Variants in COL8A1 observed in about 807,000 individuals in gnomAD.
COL8A1 encodes collagen alpha-1(VIII) chain.
Under a neutral mutation model 42.7 loss-of-function variants are expected in COL8A1, and 21 were observed. The ratio of observed to expected loss-of-function variants is 0.49; its 90% CI spans 0.35 to 0.71. COL8A1 has a LOEUF of 0.71. Ranked by LOEUF, COL8A1 falls within the 30% of genes least tolerant of loss-of-function variation. The pLI, the probability that COL8A1 is intolerant of heterozygous loss-of-function variation, is 0.01. For synonymous variants in COL8A1, 367 were observed against 369.1 expected (o/e 0.99, Z 0.06); for missense variants, 788 against 962.4 (o/e 0.82, Z 2.40).
intron 2 of COL8A1, among the ~76,000 whole-genome samples, chr3:99,782,371 G>A (rs1289156467): frequency 2.0e-5 from 3 of 151,990 alleles, no homozygotes; most frequent in African/African-American, 7.3e-5. Flanking sequence ...GAGTACCTAA[G>A]TTCCTAAAAT....
At chr3:99,651,401 A>T (rs1056780331) in intron 1 of COL8A1, among the ~76,000 whole-genome samples, 5 of 152,150 alleles carry the variant, frequency 3.3e-5, no homozygotes, top group Admixed American at 1.3e-4. Context: ...TTTATCATAG[A>T]TTTTCCCAGA....
chr3:99,727,320 C>T (rs1490258312), intron 1 of COL8A1, among the ~76,000 whole-genome samples: 5 of 152,108 alleles, frequency 3.3e-5, no homozygotes, highest in African/African-American at 4.8e-5. Context: ...TGGGCTGAGA[C>T]GATGGGCTTT....
At chr3:99,655,764 C>T (rs1036466433) in intron 1 of COL8A1, among the ~76,000 whole-genome samples, 33 of 152,212 alleles carry the variant, frequency 2.2e-4, no homozygotes, top group Non-Finnish European at 4.4e-5. Flanking sequence ...GGAGTCTTCA[C>T]TTTGAGCCTA....
chr3:99,664,493 T>A (rs541164049), intron 1 of COL8A1, among the ~76,000 whole-genome samples: 1,686 of 150,214 alleles, frequency 0.011, 31 homozygotes, highest in African/African-American at 0.038. Context: ...AAAAAAAAAA[T>A]AAAATAAAAA....
At chr3:99,657,678 G>A (rs1263390047) in intron 1 of COL8A1, among the ~76,000 whole-genome samples, 1 of 152,162 alleles carries the variant, frequency 6.6e-6, no homozygotes, top group Admixed American at 6.5e-5. Flanking sequence ...CAGTAGAGGA[G>A]CTATTTATCT....
chr3:99,730,916 T>C (rs1940488347), intron 1 of COL8A1, among the ~76,000 whole-genome samples: 1 of 152,164 alleles, frequency 6.6e-6, no homozygotes, highest in South Asian at 2.1e-4. Flanking sequence ...CCATATAGTT[T>C]ACAATTTCTG....
At position 99,671,629 on chromosome 3, in the gene COL8A1, C is replaced by A. The variant is rs143248248; in HGVS notation, c.-129+32965C>A. On this transcript the variant is annotated intron_variant, in intron 1 of 3. Coordinates refer to ENST00000652472, the MANE Select transcript of COL8A1 (RefSeq NM_020351.4). Reference sequence around the variant, plus strand: ...CTACCCCATAGTAACCACTATTTTACTCTGTTTCTATGAGTTTGACTTTTT... The same window carrying A: ...CTACCCCATAGTAACCACTATTTTAATCTGTTTCTATGAGTTTGACTTTTT... Among the ~76,000 whole-genome samples, 111 of 152,100 alleles carry A rather than the reference C, an allele frequency of 7.3e-4. 2 individuals carry two copies. In the East Asian group the frequency reaches 0.019, roughly 26 times the overall value.
chr3:99,777,212 C>T (rs2107443963), intron 2 of COL8A1, among the ~76,000 whole-genome samples: 1 of 152,226 alleles, frequency 6.6e-6, no homozygotes, highest in East Asian at 1.9e-4. Context: ...GAGAAAAATA[C>T]TCCACTAGAG....
chr3:99,659,882 C>G (rs1938145361), intron 1 of COL8A1, among the ~76,000 whole-genome samples: 1 of 152,150 alleles, frequency 6.6e-6, no homozygotes, highest in Admixed American at 6.5e-5. Context: ...GCGTACTGCA[C>G]CTTAAATTCC....
Position 99,796,256 on chromosome 3 carries a change from G to A in COL8A1, c.*120G>A. Reference sequence around the variant, plus strand: ...CACTTACACAGTTGGAAAGTTATATGTAAGTGAAAATTTGGACCATTGTGT... The same window carrying A: ...CACTTACACAGTTGGAAAGTTATATATAAGTGAAAATTTGGACCATTGTGT... On this transcript the variant is annotated 3_prime_UTR_variant, in exon 4 of 4. Transcript: ENST00000652472. 1 of 837,670 alleles carries A rather than the reference G, an allele frequency of 1.2e-6. No homozygotes were observed. The highest frequency in any genetic ancestry group is 1.7e-6 in the Non-Finnish European group (1 of 576,248). The allele number at this position is 837,670 out of a possible 1,614,324, so 51.9% of individuals were successfully genotyped here.
chr3:99,767,681 C>T (rs562977883), intron 2 of COL8A1, among the ~76,000 whole-genome samples: 1 of 152,330 alleles, frequency 6.6e-6, no homozygotes, highest in East Asian at 1.9e-4. Flanking sequence ...CCCATCATCA[C>T]CCTTTCAGTT....
At chr3:99,647,727 G>T (rs1401286587) in intron 1 of COL8A1, among the ~76,000 whole-genome samples, 1 of 152,120 alleles carries the variant, frequency 6.6e-6, no homozygotes, top group East Asian at 1.9e-4. Context: ...AACCAAGATC[G>T]TTGGCCAAAT....
intron 1 of COL8A1, among the ~76,000 whole-genome samples, chr3:99,701,122 T>C (rs1471836351): frequency 2.0e-5 from 3 of 152,204 alleles, no homozygotes; most frequent in South Asian, 2.1e-4. Flanking sequence ...TGAGAGAGCA[T>C]CTAAAATCAT....
At chr3:99,650,794 A>T (rs866432461) in intron 1 of COL8A1, among the ~76,000 whole-genome samples, 110 of 152,316 alleles carry the variant, frequency 7.2e-4, no homozygotes, top group African/African-American at 2.6e-3. Flanking sequence ...AAATTAAATA[A>T]CCACATGTGG....
At chr3:99,667,219 G>A (rs1443043202) in intron 1 of COL8A1, among the ~76,000 whole-genome samples, 1 of 151,942 alleles carries the variant, frequency 6.6e-6, no homozygotes, top group Non-Finnish European at 1.5e-5. Flanking sequence ...CTATTCCTTT[G>A]GGTTCCTTGT....
rs551073364 is a variant in COL8A1 at position 99,762,587 on chromosome 3, A to G, written c.-4+17566A>G. 1.9e-4 allele frequency among the ~76,000 whole-genome samples: 29 copies of G among 152,294 alleles called. No individual in the cohort carries two copies. The East Asian group carries it at 5.0e-3, about 26-fold the overall frequency. ...ACCACAACAGATTTCACAGCCATGC[A>G]TGTGAACATCCCATTCACAGAGCAA... On this transcript the variant is annotated intron_variant, in intron 2 of 3. Transcript: ENST00000652472.
At chr3:99,657,223 G>A (rs923363848) in intron 1 of COL8A1, among the ~76,000 whole-genome samples, 1 of 152,258 alleles carries the variant, frequency 6.6e-6, no homozygotes, top group Non-Finnish European at 1.5e-5. Context: ...CGCATCCCAA[G>A]CTTGATCAGA....
intron 2 of COL8A1, 88 bp from the exon 3 acceptor site, chr3:99,790,592 T>A (rs777738020): frequency 5.2e-5 from 54 of 1,038,568 alleles, no homozygotes; most frequent in Non-Finnish European, 7.4e-5. Context: ...ACTGTTTCCC[T>A]TTTTTTTCCC....
chr3:99,657,495 A>G (rs1317603922), intron 1 of COL8A1, among the ~76,000 whole-genome samples: 1 of 152,200 alleles, frequency 6.6e-6, no homozygotes, highest in Non-Finnish European at 1.5e-5. Flanking sequence ...GGTATAGCCT[A>G]CATATCACCC....
Sources: gnomAD v4.1 joint callset for allele counts (sites outside exome capture counted in the v4.1 genomes callset) on GRCh38, gnomAD v4.1.1 for gene constraint, MANE v1.5 for transcripts, NCBI Gene and HGNC (gene_info 2026-07-23, HGNC 2026-07-21) for gene names.